Variants in MAPRE1 observed in about 807,000 individuals in gnomAD.
MAPRE1 encodes the protein microtubule-associated protein RP/EB family member 1.
A neutral mutation model predicts 32.1 loss-of-function variants in MAPRE1; 5 were observed. The ratio of observed to expected loss-of-function variants is 0.16; its 90% CI spans 0.08 to 0.33. The LOEUF (loss-of-function observed/expected upper bound fraction) is 0.33. Ranked by LOEUF, MAPRE1 falls within the 10% of genes least tolerant of loss-of-function variation. MAPRE1 has a pLI of 1.00. For missense variants in MAPRE1, 209 were observed against 327.2 expected (o/e 0.64, Z 2.79); for synonymous variants, 122 against 118.9 (o/e 1.03, Z -0.17).
intron 5 of MAPRE1, among the ~76,000 whole-genome samples, chr20:32,841,510 C>G (rs899891152): frequency 2.0e-5 from 3 of 150,926 alleles, no homozygotes; most frequent in Admixed American, 2.0e-4. Context: ...TACATGTGTA[C>G]AACGTGCAGG....
intron 5 of MAPRE1, among the ~76,000 whole-genome samples, chr20:32,844,607 A>G (rs139178674): frequency 2.6e-5 from 4 of 151,402 alleles, no homozygotes; most frequent in Admixed American, 6.6e-5. Flanking sequence ...AGAGACGGGG[A>G]TTCACCATGT....
intron 1 of MAPRE1, among the ~76,000 whole-genome samples, chr20:32,824,265 T>C (rs748206455): frequency 6.6e-6 from 1 of 152,222 alleles, no homozygotes; most frequent in Non-Finnish European, 1.5e-5. Flanking sequence ...GTAGAATGAG[T>C]GACGGTTGAC....
At chr20:32,842,917 A>G (rs191050079) in intron 5 of MAPRE1, among the ~76,000 whole-genome samples, 1 of 152,266 alleles carries the variant, frequency 6.6e-6, no homozygotes, top group Admixed American at 6.5e-5. Flanking sequence ...GGTGTTGTAG[A>G]ACTTCAACAG....
chr20:32,825,225 T>G (rs543094836), intron 1 of MAPRE1, among the ~76,000 whole-genome samples: 3 of 152,278 alleles, frequency 2.0e-5, no homozygotes, highest in Admixed American at 6.5e-5. Flanking sequence ...TTTGATATCT[T>G]TATGGGTAAC....
chr20:32,840,173 T>A (rs1402355112), intron 5 of MAPRE1, among the ~76,000 whole-genome samples: 2 of 152,194 alleles, frequency 1.3e-5, no homozygotes, highest in Non-Finnish European at 2.9e-5. Flanking sequence ...GGAGGTCTCC[T>A]TTTTGAATAA....
chr20:32,841,485 C>CT (rs924575483), intron 5 of MAPRE1, among the ~76,000 whole-genome samples: 3 of 150,126 alleles, frequency 2.0e-5, no homozygotes, highest in African/African-American at 7.4e-5. Flanking sequence ...TATTATTATA[C>CT]TTTAAGTTTT....
At chr20:32,822,057 T>C (rs1002336284) in intron 1 of MAPRE1, among the ~76,000 whole-genome samples, 1 of 152,126 alleles carries the variant, frequency 6.6e-6, no homozygotes, top group African/African-American at 2.4e-5. Context: ...GCCTAATCCA[T>C]GTATTTAGTG....
intron 2 of MAPRE1, 125 bp from the exon 3 acceptor site, chr20:32,833,592 G>T: frequency 1.3e-6 from 1 of 753,436 alleles, no homozygotes; most frequent in Non-Finnish European, 2.2e-6. Context: ...CATGAAGTTA[G>T]TGAAGCTTTT....
At chr20:32,840,002 C>A in intron 5 of MAPRE1, 146 bp downstream of exon 5, 1 of 1,138,544 alleles carries the variant, frequency 8.8e-7, no homozygotes, top group East Asian at 2.6e-5. Flanking sequence ...AGGTGCTGTG[C>A]GGGGAGCATG....
chr20:32,837,491 C>T (rs1210191696), intron 4 of MAPRE1, among the ~76,000 whole-genome samples: 1 of 152,092 alleles, frequency 6.6e-6, no homozygotes, highest in Non-Finnish European at 1.5e-5. Flanking sequence ...GATGTGTTTA[C>T]ATTAGTATAG....
intron 2 of MAPRE1, among the ~76,000 whole-genome samples, chr20:32,829,356 A>T (rs1452694385): frequency 2.6e-5 from 4 of 152,240 alleles, no homozygotes; most frequent in African/African-American, 9.6e-5. Context: ...GCCGTATAAG[A>T]TGTCTCTTGG....
At chr20:32,848,531 C>T (rs983873572) in intron 6 of MAPRE1, 141 bp from the exon 7 acceptor site, 1 of 514,526 alleles carries the variant, frequency 1.9e-6, no homozygotes, top group Non-Finnish European at 3.4e-6. Flanking sequence ...TTCTACTACC[C>T]AAGAAATAAA....
chr20:32,850,112 CT>C lies in MAPRE1; in HGVS notation c.*1386del, dbSNP rs1471906312. On this transcript the variant is annotated 3_prime_UTR_variant, in exon 7 of 7. Coordinates refer to ENST00000375571, the MANE Select transcript of MAPRE1 (RefSeq NM_012325.3). ...TGTATTGATTTGTTTCTGGTGGTAG[CT>C]TGTCCTGAAATGTGTGTAGAAAGCA... The C allele has an allele frequency of 6.6e-6, 1 of 152,478 alleles. No homozygotes were observed. The highest frequency in any genetic ancestry group is 1.5e-5 in the Non-Finnish European group (1 of 68,010). 9.4% of individuals were successfully genotyped at this position (152,478 alleles called of 1,614,324 possible).
intron 5 of MAPRE1, among the ~76,000 whole-genome samples, chr20:32,843,979 A>G (rs538332157): frequency 6.6e-6 from 1 of 151,846 alleles, no homozygotes; most frequent in Admixed American, 6.6e-5. Flanking sequence ...CCAGCCTCCC[A>G]AGTAGCTAGG....
intron 1 of MAPRE1, among the ~76,000 whole-genome samples, chr20:32,823,305 A>G (rs964807716): frequency 1.3e-5 from 2 of 152,330 alleles, no homozygotes; most frequent in African/African-American, 4.8e-5. Context: ...AGGTGGAGGG[A>G]ACGAAGTACC....
intron 6 of MAPRE1, among the ~76,000 whole-genome samples, chr20:32,848,212 A>G (rs1201137728): frequency 6.7e-6 from 1 of 148,542 alleles, no homozygotes; most frequent in East Asian, 2.0e-4. Flanking sequence ...AGGCTTGGCT[A>G]GTTTTTTTTT....
rs754420045 is a variant in MAPRE1, at chr20:32,825,910, C to G, written c.-3-15C>G. The G allele has an allele frequency of 1.3e-6, 2 of 1,574,132 alleles. No individual in the cohort carries two copies. Among genetic ancestry groups the G allele is most frequent in the African/African-American group, 2.7e-5 (2 of 74,458 alleles). Reference sequence around the variant, plus strand: ...AATGTAACACAGGCCCTTCTCTTTTCTTCCCATGCTTTAGAAGATGGCAGT... The same window carrying G: ...AATGTAACACAGGCCCTTCTCTTTTGTTCCCATGCTTTAGAAGATGGCAGT... On this transcript the variant is annotated splice_polypyrimidine_tract_variant and intron_variant, in intron 1 of 6. Coordinates refer to ENST00000375571, the MANE Select transcript of MAPRE1 (RefSeq NM_012325.3).
At chr20:32,838,472 A>G (rs1983261865) in intron 4 of MAPRE1, among the ~76,000 whole-genome samples, 2 of 152,148 alleles carry the variant, frequency 1.3e-5, no homozygotes, top group Non-Finnish European at 2.9e-5. Context: ...GTGTGGACCT[A>G]CAAGTTTTGA....
chr20:32,844,268 T>C (rs1983442189), intron 5 of MAPRE1, among the ~76,000 whole-genome samples: 2 of 151,908 alleles, frequency 1.3e-5, no homozygotes, highest in Non-Finnish European at 2.9e-5. Flanking sequence ...GTGTGTATAG[T>C]TATGAGCAAT....
Sources: allele counts gnomAD v4.1 joint callset (sites outside exome capture counted in the v4.1 genomes callset), GRCh38; gene constraint gnomAD v4.1.1; transcripts MANE v1.5; gene names NCBI Gene and HGNC (gene_info 2026-07-23, HGNC 2026-07-21).